Variants in FZR1 observed in about 807,000 individuals in gnomAD.
FZR1 encodes fizzy-related protein homolog.
In FZR1, 11 loss-of-function variants were observed where a neutral mutation model predicts 63.6. The ratio of observed to expected loss-of-function variants is 0.17; its 90% confidence interval spans 0.11 to 0.29. The LOEUF (loss-of-function observed/expected upper bound fraction) is 0.29, where lower values mean the gene tolerates loss of function less well. Among genes scored for constraint, FZR1 ranks in the 10% least tolerant of loss-of-function variants. FZR1 has a pLI of 1.00. For synonymous variants in FZR1, 328 were observed against 297.9 expected (o/e 1.10, Z -1.04); for missense variants, 440 against 687.5 (o/e 0.64, Z 4.03).
chr19:3,526,858 CA>C lies in FZR1; in HGVS notation c.388-121del. 1 of 710,950 alleles carries C rather than the reference CA, an allele frequency of 1.4e-6. No individual in the cohort carries two copies. Among genetic ancestry groups the C allele is most frequent in the Non-Finnish European group, 2.4e-6 (1 of 408,374 alleles). 44.0% of individuals were successfully genotyped at this position (710,950 alleles called of 1,614,324 possible). A position where few individuals can be genotyped will look rare whatever the true frequency, so the allele number is the denominator to read the frequency against. ...GGCGCCTGCCTTTTTACAGCTGCTC[CA>C]CACAGGGTCTCAGCACCTGCCTTAG... On this transcript the variant is annotated intron_variant, in intron 5 of 13. Coordinates refer to ENST00000441788, the MANE Select transcript of FZR1 (RefSeq NM_016263.4). The surrounding 1 kb of genome is among the most constrained non-coding windows in gnomAD (Gnocchi z 5.4).
chr19:3,522,920 C>A, intron 1 of FZR1, 36 bp from the exon 2 acceptor site: 2 of 1,111,908 alleles, frequency 1.8e-6, no homozygotes, highest in Non-Finnish European at 2.8e-6. Context: ...GCAGCCGGCC[C>A]TGCCCCACTC....
At chr19:3,522,812 T>C (rs1328449320) in intron 1 of FZR1, 144 bp from the exon 2 acceptor site, 6 of 624,548 alleles carry the variant, frequency 9.6e-6, no homozygotes, top group Admixed American at 5.2e-5. Context: ...AGGATGAGGC[T>C]AGGGCTGGCA....
intron 1 of FZR1, among the ~76,000 whole-genome samples, chr19:3,512,457 C>T (rs1009395055): frequency 6.6e-6 from 1 of 152,182 alleles, no homozygotes; most frequent in Non-Finnish European, 1.5e-5. Flanking sequence ...AGCTTCGTGG[C>T]CAGGAAGGGT....
At chr19:3,529,146 GAGAGCGGA>G (rs1599788164) in intron 7 of FZR1, among the ~76,000 whole-genome samples, 28 of 111,548 alleles carry the variant, frequency 2.5e-4, no homozygotes, top group South Asian at 1.8e-3. Flanking sequence ...GAGCGGATGG[GAGAGCGGA>G]TGGGAGAGCG....
rs567635572 is a variant in FZR1, at chr19:3,525,291, C to A, written c.70-577C>A. On this transcript the variant is annotated intron_variant, in intron 2 of 13. Transcript: ENST00000441788. This position sits in a 1 kb window ranked among gnomAD's most constrained non-coding sequence, Gnocchi z 4.2. ...TGCCACTCCACCCCGTCCCGTGGCC[C>A]TGCCCTCACCACCCTCCTGCCTGGC... is the stretch of plus-strand genomic sequence containing the variant. Among the ~76,000 whole-genome samples, 77 of 152,258 alleles carry A rather than the reference C, an allele frequency of 5.1e-4. 1 individual carries two copies. The highest frequency in any genetic ancestry group is 1.8e-3 in the African/African-American group (76 of 41,550).
At chr19:3,521,311 A>G (rs2083099332) in intron 1 of FZR1, 2 of 152,192 alleles carry the variant, frequency 1.3e-5, no homozygotes, top group South Asian at 4.1e-4. Context: ...CTAAGCTTTC[A>G]TCACTGACAG....
rs142518551 is a variant in FZR1, at chr19:3,532,963, A to T, written c.1242+313A>T. Among the ~76,000 whole-genome samples, 34 of 151,656 alleles carry T rather than the reference A, an allele frequency of 2.2e-4. No individual in the cohort carries two copies. The East Asian group carries it at 6.5e-3, about 29-fold the overall frequency. On this transcript the variant is annotated intron_variant, in intron 11 of 13. Transcript: ENST00000441788. ...GGAGGCCCAGGATGAAGCGGGCTCC[A>T]CTGAGCACCCTGGCCTGCTCCAGCC...
In FZR1 at chr19:3,515,175, G is replaced by A. The variant is rs1168522139; in HGVS notation, c.-34-7781G>A. 2.6e-5 allele frequency among the ~76,000 whole-genome samples: 4 copies of A among 152,226 alleles called. No homozygotes were observed. The highest frequency in any genetic ancestry group is 5.9e-5 in the Non-Finnish European group (4 of 68,038). ...AAGAACCTCTGCAGGGCCTGGCGGA[G>A]CACGAGTCACTCACTGATTCACTGC... On this transcript the variant is annotated intron_variant, in intron 1 of 13. Coordinates refer to ENST00000441788, the MANE Select transcript of FZR1 (RefSeq NM_016263.4). This position sits in a 1 kb window ranked among gnomAD's most constrained non-coding sequence, Gnocchi z 4.6.
At chr19:3,520,399 A>C (rs1040285704) in intron 1 of FZR1, among the ~76,000 whole-genome samples, 2 of 152,152 alleles carry the variant, frequency 1.3e-5, no homozygotes, top group African/African-American at 4.8e-5. Flanking sequence ...CTTTGGGCCC[A>C]TGTGCTTTGG....
In FZR1 at chr19:3,526,695, G is replaced by T. The variant is rs2083161880; in HGVS notation, c.388-285G>T. Among the ~76,000 whole-genome samples, 1 of 152,216 alleles carries T rather than the reference G, an allele frequency of 6.6e-6. No homozygotes were observed. The highest frequency in any genetic ancestry group is 2.4e-5 in the African/African-American group (1 of 41,464). ...AGCCGGTGGGGGTCCTGCCCGTAGG[G>T]GGCAGTACTGGGTCCTCCCACAGGG... On this transcript the variant is annotated intron_variant, in intron 5 of 13. Coordinates refer to ENST00000441788, the MANE Select transcript of FZR1 (RefSeq NM_016263.4). The surrounding 1 kb of genome is among the most constrained non-coding windows in gnomAD (Gnocchi z 5.4).
At position 3,538,028 on chromosome 19, in the gene FZR1, A is replaced by C. The variant is rs2030055936; in HGVS notation, c.*3192A>C. On this transcript the variant is annotated 3_prime_UTR_variant, in exon 14 of 14. Transcript: ENST00000441788. ...GGCACCTGGTATGCGGGAGGAACAG[A>C]GTGAGGAGAGGAGGGCAGGGCGTGC... The C allele has an allele frequency of 6.5e-6, 1 of 153,778 alleles. No homozygotes were observed. Among genetic ancestry groups the C allele is most frequent in the Non-Finnish European group, 1.4e-5 (1 of 69,434 alleles). The allele number at this position is 153,778 out of a possible 1,614,324, so 9.5% of individuals were successfully genotyped here.
At position 3,532,545 on chromosome 19, in the gene FZR1, C is replaced by T. The variant is rs762518421; in HGVS notation, c.1137C>T (p.Asp379=). The part of the protein sequence containing the change: ...GLLASGGGTA[D]RCIRFWNTLT... ...TGGCCTCGGGGGGCGGCACAGCTGA[C>T]CGCTGTATCCGCTTCTGGAACACGC... Residue 379 remains aspartate, a synonymous_variant, in exon 11 of 14, where the codon GAC becomes GAT. Transcript: ENST00000441788. 2.5e-6 allele frequency: 4 copies of T among 1,612,524 alleles called. No homozygotes were observed. Among genetic ancestry groups the T allele is most frequent in the South Asian group, 2.2e-5 (2 of 91,068 alleles).
intron 10 of FZR1, 94 bp downstream of exon 10, chr19:3,532,189 G>C: frequency 8.1e-7 from 1 of 1,233,306 alleles, no homozygotes; most frequent in Non-Finnish European, 1.1e-6. Context: ...GCGGGCGCGG[G>C]CGCGGGGCCC....
chr19:3,531,718 A>C lies in FZR1; in HGVS notation c.725A>C (p.Asn242Thr), dbSNP rs1287581370. The C allele has an allele frequency of 6.5e-7, 1 of 1,548,208 alleles. No individual in the cohort carries two copies. Among genetic ancestry groups the C allele is most frequent in the Non-Finnish European group, 8.7e-7 (1 of 1,145,260 alleles). The change falls in exon 9 of 14, where the codon AAC becomes ACC. Residue 242 changes from asparagine (N) to threonine (T), a missense_variant. Around this residue, in one of 5 missense-constraint regions of FZR1, gnomAD observed 208 missense variants for 363.6 expected, o/e 0.57. Coordinates refer to ENST00000441788, the MANE Select transcript of FZR1 (RefSeq NM_016263.4). ...VTSVGWSERG[N>T]LVAVGTHKGF... is the part of the protein sequence containing the mutation. The stretch of plus-strand genomic sequence containing the variant: ...TGCCCATGCCTTCCATCCTAGGGGA[A>C]CCTGGTGGCGGTGGGCACACACAAG...
chr19:3,527,839 G>A, intron 7 of FZR1, 25 bp downstream of exon 7: 6 of 1,571,956 alleles, frequency 3.8e-6, no homozygotes, highest in Non-Finnish European at 5.2e-6. Context: ...GGGTGTGCAT[G>A]TGCATGGGGG....
chr19:3,532,196 G>A (rs1474750994), intron 10 of FZR1, 101 bp downstream of exon 10: 4 of 1,158,964 alleles, frequency 3.5e-6, no homozygotes, highest in Non-Finnish European at 3.6e-6. Context: ...CGGGCGCGGG[G>A]CCCACTCCAC....
chr19:3,508,700 G>A (rs1247951275), intron 1 of FZR1, among the ~76,000 whole-genome samples: 4 of 152,142 alleles, frequency 2.6e-5, no homozygotes, highest in Non-Finnish European at 5.9e-5. Flanking sequence ...AAGATCCAGG[G>A]GCTTGGTCTT....
intron 2 of FZR1, among the ~76,000 whole-genome samples, chr19:3,524,747 G>A (rs1473744399): frequency 2.0e-5 from 3 of 152,118 alleles, no homozygotes; most frequent in African/African-American, 4.8e-5. Flanking sequence ...CCAGCTTCTG[G>A]GGGCTCCTGC....
Position 3,525,568 on chromosome 19 carries a change from G to A in FZR1, c.70-300G>A, listed in dbSNP as rs1406821053. Reference sequence around the variant, plus strand: ...TGCCATTCTCCTGCCTCAGCCTCCCGAGTAGCTGGGACTACAGGCGCCTGC... The same window carrying A: ...TGCCATTCTCCTGCCTCAGCCTCCCAAGTAGCTGGGACTACAGGCGCCTGC... On this transcript the variant is annotated intron_variant, in intron 2 of 13. Coordinates refer to ENST00000441788, the MANE Select transcript of FZR1 (RefSeq NM_016263.4). This position sits in a 1 kb window ranked among gnomAD's most constrained non-coding sequence, Gnocchi z 4.2. Among the ~76,000 whole-genome samples, 2 of 144,042 alleles carry A rather than the reference G, an allele frequency of 1.4e-5. No homozygotes were observed. The highest frequency in any genetic ancestry group is 5.1e-5 in the African/African-American group (2 of 39,434). The allele number at this position is 144,042 out of a possible 152,430, so 94.5% of individuals were successfully genotyped here.
Sources: allele counts gnomAD v4.1 joint callset (sites outside exome capture counted in the v4.1 genomes callset), GRCh38; gene constraint gnomAD v4.1.1; regional missense constraint gnomAD v4.1.1; non-coding constraint Gnocchi (gnomAD v3.1); transcripts MANE v1.5; gene names NCBI Gene and HGNC (gene_info 2026-07-23, HGNC 2026-07-21).